Variants in XPR1 observed in about 807,000 individuals in gnomAD.
XPR1 encodes solute carrier family 53 member 1.
In XPR1, 28 loss-of-function variants were observed where a neutral mutation model predicts 87.5. The observed-to-expected ratio is 0.32, with a 90% CI of 0.24 to 0.44. The LOEUF (loss-of-function observed/expected upper bound fraction) is 0.44. XPR1 is among the 20% of genes least tolerant of loss of function. XPR1 has a pLI of 1.00. For synonymous variants in XPR1, 300 were observed against 306.1 expected, an observed-to-expected ratio of 0.98 and a Z score of 0.21; for missense variants, 559 against 862.3, an observed-to-expected ratio of 0.65 and a Z score of 4.41.
At chr1:180,718,669 ATTTT>A (rs34441510) in intron 2 of XPR1, among the ~76,000 whole-genome samples, 2 of 134,830 alleles carry the variant, frequency 1.5e-5, no homozygotes, top group African/African-American at 2.8e-5. Flanking sequence ...GAGCATCTGT[ATTTT>A]TTTTTTTTTT....
At chr1:180,764,015 T>C (rs911409177) in intron 2 of XPR1, among the ~76,000 whole-genome samples, 8 of 152,256 alleles carry the variant, frequency 5.3e-5, no homozygotes, top group African/African-American at 1.9e-4. Context: ...TTTTTCACTT[T>C]GTTAATGGTA....
At chr1:180,666,462 G>A (rs949756824) in intron 1 of XPR1, among the ~76,000 whole-genome samples, 4 of 152,104 alleles carry the variant, frequency 2.6e-5, no homozygotes, top group African/African-American at 9.7e-5. Flanking sequence ...ATTTCTTTCA[G>A]CAACATTTTC....
chr1:180,744,654 C>CTT lies in XPR1; in HGVS notation c.122-43086_122-43085dup, dbSNP rs71121048. On this transcript the variant is annotated intron_variant, in intron 2 of 14. Transcript: ENST00000367590. ...GTTCAGGTTTAGGCACAATTTCTTT[C>CTT]TTTTTTTTTTTTTTGAGACAGAATC... 2.1e-3 allele frequency among the ~76,000 whole-genome samples: 218 copies of CTT among 102,402 alleles called. 5 individuals carry two copies. Among genetic ancestry groups the CTT allele is most frequent in the African/African-American group, 8.1e-3 (201 of 24,922 alleles). 67.2% of individuals were successfully genotyped at this position (102,402 alleles called of 152,430 possible).
chr1:180,725,909 G>A (rs1184906980), intron 2 of XPR1, among the ~76,000 whole-genome samples: 1 of 152,206 alleles, frequency 6.6e-6, no homozygotes, highest in Non-Finnish European at 1.5e-5. Flanking sequence ...ACATGGCCCT[G>A]ATAGTATCTA....
chr1:180,876,670 T>G (rs1391145137), intron 13 of XPR1, among the ~76,000 whole-genome samples: 1 of 151,826 alleles, frequency 6.6e-6, no homozygotes. Flanking sequence ...GTCTCACTTA[T>G]ATTAACAGAA....
intron 2 of XPR1, among the ~76,000 whole-genome samples, chr1:180,781,390 C>T (rs1281289006): frequency 6.6e-6 from 1 of 151,934 alleles, no homozygotes; most frequent in South Asian, 2.1e-4. Flanking sequence ...TTGAATGGAA[C>T]ATTAAAGATA....
chr1:180,718,227 C>T (rs183129677), intron 2 of XPR1, among the ~76,000 whole-genome samples: 64 of 152,052 alleles, frequency 4.2e-4, no homozygotes, highest in African/African-American at 1.4e-3. Context: ...TAGAAATGAG[C>T]CATCAATACA....
At chr1:180,814,098 A>G (rs1650319170) in intron 7 of XPR1, among the ~76,000 whole-genome samples, 1 of 152,208 alleles carries the variant, frequency 6.6e-6, no homozygotes, top group Non-Finnish European at 1.5e-5. Flanking sequence ...AATTTACTGA[A>G]CTAATTATTC....
In XPR1 at chr1:180,886,028, CT is replaced by C. The variant is rs1652997319; in HGVS notation, c.*1968del. ...ATCATACAACTTTGTGCTTCTATTG[CT>C]TTTTTGTGTTTTGTTAAGCATGTCC... On this transcript the variant is annotated 3_prime_UTR_variant, in exon 15 of 15. Transcript: ENST00000367590. The C allele has an allele frequency of 2.6e-5, 4 of 151,910 alleles. No individual in the cohort carries two copies. The highest frequency in any genetic ancestry group is 1.5e-5 in the Non-Finnish European group (1 of 67,972). 9.4% of individuals were successfully genotyped at this position (151,910 alleles called of 1,614,324 possible).
intron 2 of XPR1, among the ~76,000 whole-genome samples, chr1:180,687,841 G>C (rs1392156578): frequency 6.6e-6 from 1 of 151,232 alleles, no homozygotes; most frequent in African/African-American, 2.4e-5. Context: ...CAATATATAT[G>C]TAAATATATA....
chr1:180,771,955 A>G (rs1038364888), intron 2 of XPR1, among the ~76,000 whole-genome samples: 4 of 152,124 alleles, frequency 2.6e-5, no homozygotes, highest in South Asian at 2.1e-4. Flanking sequence ...ATTGATTTCT[A>G]TTATCTATGG....
intron 7 of XPR1, among the ~76,000 whole-genome samples, chr1:180,815,773 A>G (rs938782793): frequency 1.6e-4 from 25 of 152,144 alleles, no homozygotes; most frequent in East Asian, 1.2e-3. Flanking sequence ...TACAGTGGGT[A>G]TAAGGTGTGA....
chr1:180,859,658 ATTGT>A lies in XPR1; in HGVS notation c.1502-4046_1502-4043del, dbSNP rs1369272452. ...TTTGTAGACCAAGTGTGTGCTAATC[ATTGT>A]TTGAAGAAGTTCATCAGATAAAATA... On this transcript the variant is annotated intron_variant, in intron 11 of 14. Coordinates refer to ENST00000367590, the MANE Select transcript of XPR1 (RefSeq NM_004736.4). 5.3e-5 allele frequency among the ~76,000 whole-genome samples: 8 copies of A among 152,164 alleles called. No homozygotes were observed. In the East Asian group the frequency reaches 1.5e-3, roughly 29 times the overall value.
chr1:180,847,100 C>T (rs1403840418), intron 11 of XPR1, among the ~76,000 whole-genome samples: 1 of 152,096 alleles, frequency 6.6e-6, no homozygotes, highest in Non-Finnish European at 1.5e-5. Context: ...AAGTAAATAT[C>T]TCCCAAAGTA....
intron 1 of XPR1, among the ~76,000 whole-genome samples, chr1:180,650,520 C>T (rs931076260): frequency 6.6e-6 from 1 of 152,158 alleles, no homozygotes; most frequent in Non-Finnish European, 1.5e-5. Flanking sequence ...CTCTTAAAAC[C>T]TGGAAAAATG....
chr1:180,632,497 G>A (rs1654621468), intron 1 of XPR1, among the ~76,000 whole-genome samples: 1 of 152,184 alleles, frequency 6.6e-6, no homozygotes, highest in Non-Finnish European at 1.5e-5. Context: ...GGATATGCAG[G>A]CGGAGGGCCG....
chr1:180,756,224 G>C (rs1484187261), intron 2 of XPR1, among the ~76,000 whole-genome samples: 3 of 152,174 alleles, frequency 2.0e-5, no homozygotes, highest in Non-Finnish European at 4.4e-5. Flanking sequence ...CAAAATAACT[G>C]TCTTGCAATC....
intron 11 of XPR1, among the ~76,000 whole-genome samples, chr1:180,840,050 C>T (rs938394880): frequency 7.3e-5 from 11 of 151,378 alleles, no homozygotes; most frequent in South Asian, 2.1e-4. Context: ...GGTGAAACCC[C>T]GTCTCTACTA....
At chr1:180,703,400 G>A (rs371181549) in intron 2 of XPR1, among the ~76,000 whole-genome samples, 9 of 152,144 alleles carry the variant, frequency 5.9e-5, no homozygotes, top group South Asian at 2.1e-4. Flanking sequence ...TCTGGATAAC[G>A]CATGCGGGTG....
Sources: allele counts gnomAD v4.1 joint callset (sites outside exome capture counted in the v4.1 genomes callset), GRCh38; gene constraint gnomAD v4.1.1; transcripts MANE v1.5; gene names NCBI Gene and HGNC (gene_info 2026-07-23, HGNC 2026-07-21).